Variants in LAMA4 observed in about 807,000 individuals in gnomAD.
LAMA4 encodes the protein laminin subunit alpha 4.
LAMA4 carries 127 observed loss-of-function variants against 207.1 expected under a neutral mutation model. The observed-to-expected ratio is 0.61, with a 90% confidence interval of 0.53 to 0.71. The LOEUF is 0.71. Among genes scored for constraint, LAMA4 ranks in the 30% least tolerant of loss-of-function variants. The pLI is 0.00. For synonymous variants in LAMA4, 761 were observed against 816.0 expected (o/e 0.93, Z 1.15); for missense variants, 2,093 against 2,246.5 (o/e 0.93, Z 1.38).
At chr6:112,154,718 G>A in intron 16 of LAMA4, 133 bp downstream of exon 16, 1 of 709,096 alleles carries the variant, frequency 1.4e-6, no homozygotes, top group South Asian at 1.5e-5. Flanking sequence ...TTGACTCTGA[G>A]CAGGAACTAC....
At chr6:112,157,211 C>A (rs1780771822) in intron 14 of LAMA4, among the ~76,000 whole-genome samples, 1 of 151,944 alleles carries the variant, frequency 6.6e-6, no homozygotes, top group Non-Finnish European at 1.5e-5. Flanking sequence ...AAAAAAGGGA[C>A]AAAAGAAACA....
chr6:112,163,755 GAT>G lies in LAMA4; in HGVS notation c.1668+1403_1668+1404del, dbSNP rs1554339111. Among the ~76,000 whole-genome samples, 3 of 152,280 alleles carry G rather than the reference GAT, an allele frequency of 2.0e-5. No individual in the cohort carries two copies. The East Asian group carries it at 5.8e-4, about 29-fold the overall frequency. On this transcript the variant is annotated intron_variant, in intron 13 of 38. Transcript: ENST00000230538. ...TAGAGGGGATGCAAGCTTTATAAAA[GAT>G]TTTTTTACAGGGCTTTTTTCTTTTT...
At chr6:112,193,974 G>C (rs1783267143) in intron 5 of LAMA4, among the ~76,000 whole-genome samples, 1 of 152,162 alleles carries the variant, frequency 6.6e-6, no homozygotes, top group Non-Finnish European at 1.5e-5. Flanking sequence ...ATGAACTCTA[G>C]AAATCTGGTC....
chr6:112,188,996 C>A (rs1266568772), intron 7 of LAMA4, 114 bp downstream of exon 7: 1 of 776,198 alleles, frequency 1.3e-6, no homozygotes, highest in Non-Finnish European at 2.2e-6. Context: ...GGGTTAAGTC[C>A]AGGGGTGGGA....
rs372502180 is a variant in LAMA4 at position 112,119,253 on chromosome 6, A to G, written c.4724T>C (p.Leu1575Pro). Residue 1575 changes from leucine (L) to proline (P), a missense_variant, in exon 34 of 39, where the codon CTA (leucine) becomes CCA (proline). By Grantham distance (98) the Leu-to-Pro change is moderately conservative. Around this residue, in one of 3 missense-constraint regions of LAMA4, gnomAD observed 383 missense variants for 437.8 expected, o/e 0.87. Coordinates refer to ENST00000230538, the MANE Select transcript of LAMA4 (RefSeq NM_001105206.3). ...GRLVIDGLRVLEESLPPTEAT... is the reference protein window; with the variant it reads ...GRLVIDGLRVPEESLPPTEAT... ...TTCAGTAGGAGGAAGACTTTCTTCTAGGACTCGGAGACCATCAATTACCAG... is the reference window on the plus strand; with the variant it reads ...TTCAGTAGGAGGAAGACTTTCTTCTGGGACTCGGAGACCATCAATTACCAG... 5 of 1,614,030 alleles carry G rather than the reference A, an allele frequency of 3.1e-6. No homozygotes were observed. Among genetic ancestry groups the G allele is most frequent in the Non-Finnish European group, 4.2e-6 (5 of 1,179,912 alleles).
At chr6:112,161,208 G>A (rs1230880039) in intron 13 of LAMA4, among the ~76,000 whole-genome samples, 2 of 152,090 alleles carry the variant, frequency 1.3e-5, no homozygotes, top group Admixed American at 1.3e-4. Flanking sequence ...ACCTCCTCAG[G>A]ATGAGTTAAG....
chr6:112,236,360 T>C (rs539133048), intron 2 of LAMA4: 1 of 152,358 alleles, frequency 6.6e-6, no homozygotes, highest in African/African-American at 2.4e-5. Context: ...ATTAGATGAA[T>C]AACCTCCGGA....
At chr6:112,217,349 T>C (rs1784686722) in intron 2 of LAMA4, among the ~76,000 whole-genome samples, 2 of 152,208 alleles carry the variant, frequency 1.3e-5, no homozygotes, top group South Asian at 4.1e-4. Flanking sequence ...AATGGCATTA[T>C]GGGCCTGGAA....
intron 12 of LAMA4, among the ~76,000 whole-genome samples, chr6:112,168,614 G>A (rs1479712564): frequency 6.6e-6 from 1 of 152,020 alleles, no homozygotes; most frequent in Non-Finnish European, 1.5e-5. Flanking sequence ...CCAAAGTGCA[G>A]GGATTACAGG....
At position 112,109,470 on chromosome 6, in the gene LAMA4, G is replaced by A. The variant is rs147579862; in HGVS notation, c.5439C>T (p.Gly1813=). ...CTGGACAGGAGTTGATGCTTACGGC[G>A]CCGCTGACCAGGGCTGCTTTACTGA... ...VSFSKAALVS[G]AVSINSCPAA is the part of the protein sequence containing the mutation. The change falls in exon 39 of 39, where the codon GGC becomes GGT. Residue 1813 remains glycine, a synonymous_variant. Coordinates refer to ENST00000230538, the MANE Select transcript of LAMA4 (RefSeq NM_001105206.3). 2.4e-5 allele frequency: 39 copies of A among 1,613,890 alleles called. No individual in the cohort carries two copies. Among genetic ancestry groups the A allele is most frequent in the Non-Finnish European group, 1.4e-5 (17 of 1,179,996 alleles).
chr6:112,247,288 C>T (rs1182766891), intron 2 of LAMA4, among the ~76,000 whole-genome samples: 1 of 152,180 alleles, frequency 6.6e-6, no homozygotes, highest in Non-Finnish European at 1.5e-5. Flanking sequence ...CAAAGTCAAA[C>T]AGCTAGAAAG....
At chr6:112,131,417 C>A (rs782810891) in intron 28 of LAMA4, among the ~76,000 whole-genome samples, 1 of 152,034 alleles carries the variant, frequency 6.6e-6, no homozygotes, top group African/African-American at 2.4e-5. Context: ...TTAATCCCTT[C>A]GAATAGATGA....
intron 18 of LAMA4, 40 bp from the exon 19 acceptor site, chr6:112,144,973 A>C: frequency 6.6e-7 from 1 of 1,520,104 alleles, no homozygotes; most frequent in Non-Finnish European, 9.0e-7. Flanking sequence ...AAAATAACTC[A>C]ATATTATATT....
chr6:112,158,700 A>AGAT, intron 14 of LAMA4, 32 bp downstream of exon 14: 2 of 1,579,460 alleles, frequency 1.3e-6, no homozygotes, highest in Non-Finnish European at 1.7e-6. Flanking sequence ...CACCCCATGT[A>AGAT]GATATTTGCA....
At chr6:112,207,251 CA>C (rs147377209) in intron 3 of LAMA4, 106 bp from the exon 4 acceptor site, 2 of 1,172,196 alleles carry the variant, frequency 1.7e-6, no homozygotes, top group East Asian at 4.8e-5. Flanking sequence ...GACATCAGAT[CA>C]GACAGCACAG....
rs1554346410 is a variant in LAMA4, at chr6:112,185,457, T to C, written c.967-110A>G. 5.4e-6 allele frequency: 4 copies of C among 740,274 alleles called. No homozygotes were observed. The African/African-American group carries it at 7.0e-5, about 13-fold the overall frequency. The allele number at this position is 740,274 out of a possible 1,614,324, so 45.9% of individuals were successfully genotyped here. On this transcript the variant is annotated intron_variant, in intron 8 of 38. Coordinates refer to ENST00000230538, the MANE Select transcript of LAMA4 (RefSeq NM_001105206.3). ...CTCAGAGTAGAGTGTGAGGCTCTTT[T>C]CTCAAAATAGTGGGGTCCGCAGGCT...
At chr6:112,208,718 A>G (rs1314016957) in intron 3 of LAMA4, among the ~76,000 whole-genome samples, 4 of 152,218 alleles carry the variant, frequency 2.6e-5, no homozygotes, top group Admixed American at 2.6e-4. Flanking sequence ...TAATATTAAT[A>G]CATTAGTCAA....
At chr6:112,207,619 T>A (rs782227592) in intron 3 of LAMA4, among the ~76,000 whole-genome samples, 4 of 151,656 alleles carry the variant, frequency 2.6e-5, no homozygotes, top group Non-Finnish European at 5.9e-5. Context: ...ATAAAATGTG[T>A]CAGACTGTAG....
chr6:112,217,718 A>G (rs1467903897), intron 2 of LAMA4: 10 of 152,226 alleles, frequency 6.6e-5, no homozygotes, highest in African/African-American at 2.4e-4. Flanking sequence ...CTATGAAAAA[A>G]AGGCAAGGAA....
Sources: gnomAD v4.1 joint callset for allele counts (sites outside exome capture counted in the v4.1 genomes callset) on GRCh38, gnomAD v4.1.1 for gene constraint, gnomAD v4.1.1 regional missense constraint, MANE v1.5 for transcripts, NCBI Gene and HGNC (gene_info 2026-07-23, HGNC 2026-07-21) for gene names.